The following FLT3 variants were observed in gnomAD, a reference collection of about 807,000 sequenced individuals.
The protein encoded by FLT3 is receptor-type tyrosine-protein kinase FLT3.
FLT3 carries 46 observed loss-of-function variants against 126.6 expected under a neutral mutation model. The ratio of observed to expected loss-of-function variants is 0.36; its 90% CI spans 0.29 to 0.46. The LOEUF (loss-of-function observed/expected upper bound fraction) is 0.46, where lower values mean the gene tolerates loss of function less well. Ranked by LOEUF, FLT3 falls within the 20% of genes least tolerant of loss-of-function variation. The probability of loss-of-function intolerance (pLI) is 1.00; values close to 1 mark genes in which losing one functional copy is unlikely to be tolerated. For synonymous variants in FLT3, 404 were observed against 434.4 expected (o/e 0.93, Z 0.87); for missense variants, 1,069 against 1,190.3 (o/e 0.90, Z 1.50).
intron 3 of FLT3, among the ~76,000 whole-genome samples, chr13:28,060,010 G>A (rs1338147187): frequency 1.3e-5 from 2 of 150,736 alleles, no homozygotes; most frequent in African/African-American, 4.9e-5. Flanking sequence ...ATTTAAAAAA[G>A]AAATTTCTTG....
chr13:28,035,453 G>A, intron 12 of FLT3, 42 bp downstream of exon 12: 1 of 1,578,126 alleles, frequency 6.3e-7, no homozygotes, highest in Admixed American at 1.7e-5. Context: ...CTTCTAGTGG[G>A]GAATTCCTGA....
chr13:28,028,264 T>A lies in FLT3; in HGVS notation c.1967A>T (p.Glu656Val). The stretch of plus-strand genomic sequence containing the variant: ...CATCTTGAGTTCTGACATGAGTGCC[T>A]CTCTTTCAGAGCTGTCTGCTTTTTC... ...LKEKADSSER[E>V]ALMSELKMMT... The change falls in exon 16 of 24, where the codon GAG becomes GTG. Residue 656 changes from glutamate to valine, a missense_variant. Coordinates refer to ENST00000241453, the MANE Select transcript of FLT3 (RefSeq NM_004119.3). 1 of 1,600,678 alleles carries A rather than the reference T, an allele frequency of 6.2e-7. No individual in the cohort carries two copies. Among genetic ancestry groups the A allele is most frequent in the Non-Finnish European group, 8.6e-7 (1 of 1,167,804 alleles).
intron 2 of FLT3, among the ~76,000 whole-genome samples, chr13:28,063,903 G>C (rs1250616098): frequency 6.6e-6 from 1 of 152,192 alleles, no homozygotes; most frequent in African/African-American, 2.4e-5. Context: ...AGATTTCTAA[G>C]CCGGATGTTT....
At chr13:28,019,410 T>C (rs1306586080) in intron 19 of FLT3, among the ~76,000 whole-genome samples, 2 of 152,138 alleles carry the variant, frequency 1.3e-5, no homozygotes, top group African/African-American at 2.4e-5. Flanking sequence ...CTGAAAGATG[T>C]CGTGATGTTA....
chr13:28,061,899 C>G lies in FLT3; in HGVS notation c.336G>C (p.Leu112=). The change falls in exon 3 of 24, where the codon CTG becomes CTC. Residue 112 remains leucine (L), a synonymous_variant. Transcript: ENST00000241453. ...GTAAATCAAAATGTGGCTGGCAATT[C>G]AGGGAGCTGTGCTTAAAGACCCAGA... ...SCLWVFKHSS[L]NCQPHFDLQN... 5 of 1,614,096 alleles carry G rather than the reference C, an allele frequency of 3.1e-6. No homozygotes were observed. Among genetic ancestry groups the G allele is most frequent in the Non-Finnish European group, 4.2e-6 (5 of 1,179,992 alleles).
chr13:28,023,535 A>G lies in FLT3; in HGVS notation c.2291-58T>C, dbSNP rs544684549. 1,082 of 1,592,220 alleles carry G rather than the reference A, an allele frequency of 6.8e-4. 1 individual carries two copies. The highest frequency in any genetic ancestry group is 8.0e-4 in the Non-Finnish European group (935 of 1,164,366). ...AAACTCTAAGAAGTTGCCTTATTAA[A>G]TCTCTATGGGAAGGTTATTCAAGCC... On this transcript the variant is annotated intron_variant, in intron 18 of 23. Transcript: ENST00000241453.
At chr13:28,074,914 G>T (rs937449081) in intron 1 of FLT3, among the ~76,000 whole-genome samples, 7 of 152,156 alleles carry the variant, frequency 4.6e-5, no homozygotes, top group Non-Finnish European at 1.0e-4. Flanking sequence ...GATTACAGGT[G>T]TGAGCCACTG....
chr13:28,070,601 C>T lies in FLT3; in HGVS notation c.55G>A (p.Ala19Thr). The T allele has an allele frequency of 6.3e-7, 1 of 1,597,388 alleles. No individual in the cohort carries two copies. The highest frequency in any genetic ancestry group is 8.6e-7 in the Non-Finnish European group (1 of 1,167,482). ...GQLPLLVVFS[A>T]MIFGTITNQD... The stretch of plus-strand genomic sequence containing the variant: ...TTTGTAATAGTCCCAAATATCATTG[C>T]AGAAAAAACAACTGTAAAACAAAAT... Residue 19 changes from alanine (A) to threonine (T), a missense_variant, in exon 2 of 24, where the codon GCA becomes ACA. Ala to Thr is a moderately conservative substitution (Grantham distance 58). Transcript: ENST00000241453.
At chr13:28,033,422 G>C (rs1015137159) in intron 15 of FLT3, among the ~76,000 whole-genome samples, 1 of 152,222 alleles carries the variant, frequency 6.6e-6, no homozygotes, top group African/African-American at 2.4e-5. Context: ...CCAACACTTT[G>C]GGAGGCCGAG....
At chr13:28,055,420 A>G (rs1875917160) in intron 4 of FLT3, among the ~76,000 whole-genome samples, 1 of 152,240 alleles carries the variant, frequency 6.6e-6, no homozygotes, top group African/African-American at 2.4e-5. Flanking sequence ...TCTTTAAAAA[A>G]GTAGAACTGA....
At chr13:28,057,529 T>C (rs1488243683) in intron 3 of FLT3, 67 bp from the exon 4 acceptor site, 4 of 820,670 alleles carry the variant, frequency 4.9e-6, no homozygotes, top group Non-Finnish European at 8.6e-6. Context: ...AATTTCATAG[T>C]GACTAAAAAG....
chr13:28,021,214 C>G (rs781509026), intron 19 of FLT3, among the ~76,000 whole-genome samples: 1 of 152,068 alleles, frequency 6.6e-6, no homozygotes, highest in Non-Finnish European at 1.5e-5. Context: ...CATAGCAAAA[C>G]CTTATCCCTA....
At chr13:28,067,876 G>T in intron 2 of FLT3, 1 of 389,034 alleles carries the variant, frequency 2.6e-6, no homozygotes, top group Non-Finnish European at 5.0e-6. Flanking sequence ...TACAGGGTGG[G>T]ACATGGCAAA....
At chr13:28,044,907 C>T (rs1242706904) in intron 9 of FLT3, among the ~76,000 whole-genome samples, 2 of 152,194 alleles carry the variant, frequency 1.3e-5, no homozygotes, top group African/African-American at 4.8e-5. Context: ...TTATTAAACA[C>T]ACTTACTGAA....
At position 28,058,216 on chromosome 13, in the gene FLT3, A is replaced by AAC. The variant is rs1555258464; in HGVS notation, c.369-755_369-754insGT. Among the ~76,000 whole-genome samples the AAC allele has an allele frequency of 2.8e-3, 262 of 94,136 alleles. 1 individual carries two copies. Among genetic ancestry groups the AAC allele is most frequent in the African/African-American group, 8.5e-3 (248 of 29,068 alleles). 61.8% of individuals were successfully genotyped at this position (94,136 alleles called of 152,430 possible). ...TCTATTTTTTAAAAATTAAAAAAAA[A>AAC]AAACAAAAAAAAAAACGGCCAGGTA... On this transcript the variant is annotated intron_variant, in intron 3 of 23. Transcript: ENST00000241453.
At chr13:28,008,231 C>T (rs570754036) in intron 23 of FLT3, among the ~76,000 whole-genome samples, 67 of 123,176 alleles carry the variant, frequency 5.4e-4, no homozygotes, top group African/African-American at 2.0e-3. Context: ...GGGAGGATCG[C>T]TTGATTCCAG....
At chr13:28,048,126 T>G (rs1484635856) in intron 9 of FLT3, 149 bp downstream of exon 9, 2 of 634,840 alleles carry the variant, frequency 3.2e-6, no homozygotes, top group African/African-American at 3.7e-5. Flanking sequence ...TCACATCTGC[T>G]TATTGTTTTC....
In FLT3 at chr13:28,004,040, T is replaced by C. The variant is rs756700189; in HGVS notation, c.*12A>G. 8.7e-6 allele frequency: 14 copies of C among 1,614,146 alleles called. No individual in the cohort carries two copies. In the African/African-American group the frequency reaches 1.7e-4, roughly 20 times the overall value. On this transcript the variant is annotated 3_prime_UTR_variant, in exon 24 of 24. Transcript: ENST00000241453. ...GGTGGAGGGATGAAGTCCTTAAAAC[T>C]AAATTGTTCCTCTACGAATCTTCGA...
intron 19 of FLT3, 100 bp downstream of exon 19, chr13:28,023,250 A>T: frequency 7.9e-7 from 1 of 1,273,380 alleles, no homozygotes; most frequent in Non-Finnish European, 1.1e-6. Flanking sequence ...GAGAAAAGGC[A>T]GACTTTAAGG....
Sources: allele counts gnomAD v4.1 joint callset (sites outside exome capture counted in the v4.1 genomes callset), GRCh38; gene constraint gnomAD v4.1.1; transcripts MANE v1.5; gene names NCBI Gene and HGNC (gene_info 2026-07-23, HGNC 2026-07-21).